The following DPP10 variants were observed in gnomAD, a reference collection of about 807,000 sequenced individuals.
The protein encoded by DPP10 is dipeptidyl peptidase like 10.
A neutral mutation model predicts 120.9 loss-of-function variants in DPP10; 33 were observed. The observed-to-expected ratio is 0.27, with a 90% confidence interval of 0.21 to 0.37. The LOEUF is 0.37. Ranked by LOEUF, DPP10 falls within the 10% of genes least tolerant of loss-of-function variation. DPP10 has a pLI of 1.00. For missense variants in DPP10, 816 were observed against 942.8 expected (o/e 0.87, Z 1.76); for synonymous variants, 337 against 326.1 (o/e 1.03, Z -0.36).
chr2:114,629,850 T>TA (rs1054804945), intron 1 of DPP10, among the ~76,000 whole-genome samples: 37 of 151,908 alleles, frequency 2.4e-4, no homozygotes, highest in African/African-American at 7.5e-4. Context: ...ATATTCAAAA[T>TA]AAAAAAAACC....
chr2:115,194,707 G>A (rs1351254425), intron 1 of DPP10, among the ~76,000 whole-genome samples: 1 of 152,104 alleles, frequency 6.6e-6, no homozygotes, highest in African/African-American at 2.4e-5. Context: ...AACTGTACCT[G>A]ACTAATTCTA....
chr2:115,559,722 T>C (rs2080447392), intron 5 of DPP10, among the ~76,000 whole-genome samples: 1 of 152,202 alleles, frequency 6.6e-6, no homozygotes, highest in African/African-American at 2.4e-5. Flanking sequence ...GGACCCCTTT[T>C]AACTTTACAG....
At chr2:115,432,525 G>C (rs2071085607) in intron 3 of DPP10, among the ~76,000 whole-genome samples, 1 of 151,728 alleles carries the variant, frequency 6.6e-6, no homozygotes, top group Admixed American at 6.6e-5. Flanking sequence ...TCATGTAAAG[G>C]GACCATTTCC....
chr2:114,992,144 C>T (rs901008457), intron 1 of DPP10, among the ~76,000 whole-genome samples: 5 of 152,140 alleles, frequency 3.3e-5, no homozygotes, highest in Non-Finnish European at 7.3e-5. Flanking sequence ...ATTTTCTGTG[C>T]CCTTTATTTT....
intron 1 of DPP10, among the ~76,000 whole-genome samples, chr2:114,706,614 T>A (rs1700702491): frequency 6.6e-6 from 1 of 152,212 alleles, no homozygotes; most frequent in Non-Finnish European, 1.5e-5. Flanking sequence ...TTAAAGCCCA[T>A]TCTAAATCTA....
At chr2:115,445,192 T>C (rs779606938) in intron 3 of DPP10, among the ~76,000 whole-genome samples, 5 of 152,178 alleles carry the variant, frequency 3.3e-5, no homozygotes, top group Non-Finnish European at 7.3e-5. Flanking sequence ...TGTGAGTCAA[T>C]TAAATCTCTT....
At chr2:114,950,361 C>A (rs1424553720) in intron 1 of DPP10, among the ~76,000 whole-genome samples, 1 of 138,304 alleles carries the variant, frequency 7.2e-6, no homozygotes, top group Non-Finnish European at 1.5e-5. Context: ...GTGGCGCGAT[C>A]TTGGCTCACT....
intron 3 of DPP10, among the ~76,000 whole-genome samples, chr2:115,495,045 A>G (rs1355850305): frequency 6.6e-6 from 1 of 152,126 alleles, no homozygotes; most frequent in African/African-American, 2.4e-5. Context: ...TTCTCAGAAG[A>G]CTCACAGCAT....
chr2:114,652,094 A>AAT (rs1413388966), intron 1 of DPP10, among the ~76,000 whole-genome samples: 1 of 152,146 alleles, frequency 6.6e-6, no homozygotes, highest in African/African-American at 2.4e-5. Context: ...AGGTGAGTGA[A>AAT]ATGGGGCTTG....
At chr2:115,446,515 T>G (rs1331896830) in intron 3 of DPP10, among the ~76,000 whole-genome samples, 1 of 152,214 alleles carries the variant, frequency 6.6e-6, no homozygotes, top group Non-Finnish European at 1.5e-5. Flanking sequence ...GAGGGACTTC[T>G]GACCGATTTC....
chr2:115,711,769 G>A (rs2092322912), intron 7 of DPP10, among the ~76,000 whole-genome samples: 1 of 152,044 alleles, frequency 6.6e-6, no homozygotes, highest in South Asian at 2.1e-4. Context: ...ATCCCAAAGT[G>A]TTATGCAATT....
At chr2:115,033,893 C>CTTTTTTT (rs965717193) in intron 1 of DPP10, among the ~76,000 whole-genome samples, 1,552 of 89,864 alleles carry the variant, frequency 0.017, 3 homozygotes, top group Middle Eastern at 0.031. Context: ...TTTTCTTTTT[C>CTTTTTTT]TTTTTTTTTT....
intron 1 of DPP10, among the ~76,000 whole-genome samples, chr2:115,037,310 C>T (rs1289426795): frequency 6.6e-6 from 1 of 152,170 alleles, no homozygotes; most frequent in African/African-American, 2.4e-5. Context: ...TATGGAAAAT[C>T]TTCGTAGACT....
intron 16 of DPP10, among the ~76,000 whole-genome samples, chr2:115,781,946 G>A (rs1430123055): frequency 6.6e-6 from 1 of 151,914 alleles, no homozygotes; most frequent in African/African-American, 2.4e-5. Context: ...CAATATGCGT[G>A]CTTTCTTTTT....
intron 1 of DPP10, among the ~76,000 whole-genome samples, chr2:114,825,933 T>C (rs1033732242): frequency 3.3e-5 from 5 of 152,218 alleles, no homozygotes; most frequent in African/African-American, 9.6e-5. Context: ...GTTTCTATTT[T>C]CTACAAAGCT....
chr2:114,718,016 A>G (rs1701463564), intron 1 of DPP10, among the ~76,000 whole-genome samples: 1 of 151,998 alleles, frequency 6.6e-6, no homozygotes, highest in Non-Finnish European at 1.5e-5. Context: ...AGAATTGGAG[A>G]AATTATCTCT....
chr2:114,583,430 A>G (rs1690702464), intron 1 of DPP10, among the ~76,000 whole-genome samples: 1 of 152,206 alleles, frequency 6.6e-6, no homozygotes, highest in African/African-American at 2.4e-5. Flanking sequence ...CCCAACACAA[A>G]CAATAAGATT....
intron 1 of DPP10, among the ~76,000 whole-genome samples, chr2:115,175,344 T>C (rs2053617343): frequency 6.6e-6 from 1 of 151,938 alleles, no homozygotes; most frequent in Non-Finnish European, 1.5e-5. Flanking sequence ...CTTGGTATGC[T>C]CTGTCTTGAG....
At chr2:115,194,616 A>C (rs2055129008) in intron 1 of DPP10, among the ~76,000 whole-genome samples, 1 of 152,194 alleles carries the variant, frequency 6.6e-6, no homozygotes, top group Non-Finnish European at 1.5e-5. Context: ...GGTAATGGCC[A>C]AACGAAGGGG....
Sources: gnomAD v4.1 joint callset for allele counts (sites outside exome capture counted in the v4.1 genomes callset) on GRCh38, gnomAD v4.1.1 for gene constraint, MANE v1.5 for transcripts, NCBI Gene and HGNC (gene_info 2026-07-23, HGNC 2026-07-21) for gene names.